EVC: variants seen among roughly 807,000 people sequenced by gnomAD.
EVC encodes the protein evC complex member EVC.
Under a neutral mutation model 118.9 loss-of-function variants are expected in EVC, and 116 were observed. The ratio of observed to expected loss-of-function variants is 0.98; its 90% CI spans 0.84 to 1.14. The LOEUF (loss-of-function observed/expected upper bound fraction) is 1.14, where lower values mean the gene tolerates loss of function less well. EVC is among the 50% of genes most tolerant of loss of function. The probability of loss-of-function intolerance (pLI) is 0.00; values close to 1 mark genes in which losing one functional copy is unlikely to be tolerated. For missense variants in EVC, 1,401 were observed against 1,246.4 expected, an observed-to-expected ratio of 1.12 and a Z score of -1.87; for synonymous variants, 619 against 534.7, an observed-to-expected ratio of 1.16 and a Z score of -2.18.
intron 5 of EVC, among the ~76,000 whole-genome samples, chr4:5,741,120 C>G (rs573821134): frequency 6.6e-6 from 1 of 152,220 alleles, no homozygotes; most frequent in African/African-American, 2.4e-5. Context: ...TGAGGACTTA[C>G]GTTCACACAA....
At chr4:5,758,461 C>T (rs756310037) in intron 11 of EVC, 4 of 232,812 alleles carry the variant, frequency 1.7e-5, no homozygotes, top group Admixed American at 5.5e-5. Context: ...ATTTTCCTTC[C>T]TTCCCAGATG....
chr4:5,757,678 C>T (rs1008431867), intron 11 of EVC, among the ~76,000 whole-genome samples: 4 of 152,178 alleles, frequency 2.6e-5, no homozygotes, highest in Admixed American at 6.5e-5. Context: ...AGAGAGGGCT[C>T]TGGTCTCTCC....
In EVC at chr4:5,745,319, A is replaced by G. The variant is rs1478294705; in HGVS notation, c.917A>G (p.Tyr306Cys). The G allele has an allele frequency of 4.3e-6, 7 of 1,613,938 alleles. No homozygotes were observed. Among genetic ancestry groups the G allele is most frequent in the Non-Finnish European group, 5.1e-6 (6 of 1,179,984 alleles). ...LADVEKKERE[Y>C]SEQLIDNMEA... ...GATGTGGAAAAGAAGGAGAGAGAAT[A>G]CTCTGAACAGCTAATCGATAATGTG... The change falls in exon 7 of 21, where the codon TAC (tyrosine) becomes TGC (cysteine). Residue 306 changes from tyrosine to cysteine, a missense_variant. By Grantham distance (194) the Tyr-to-Cys change is radical. Transcript: ENST00000264956.
At chr4:5,732,885 C>T (rs1727049707) in intron 4 of EVC, among the ~76,000 whole-genome samples, 1 of 152,116 alleles carries the variant, frequency 6.6e-6, no homozygotes, top group African/African-American at 2.4e-5. Context: ...TGGTGCATGC[C>T]TGTAGTCCGA....
intron 11 of EVC, among the ~76,000 whole-genome samples, chr4:5,761,900 GA>G (rs575178980): frequency 0.016 from 2,356 of 151,540 alleles, 105 homozygotes; most frequent in African/African-American, 0.055. Flanking sequence ...TGGCAGCTTA[GA>G]ATTTTTTTTT....
At chr4:5,736,907 G>A (rs527470374) in intron 5 of EVC, among the ~76,000 whole-genome samples, 8 of 152,254 alleles carry the variant, frequency 5.3e-5, no homozygotes, top group Admixed American at 2.0e-4. Context: ...AGAGAGTCGC[G>A]TGTCTCTCAC....
chr4:5,828,991 A>C, the EVC span, among the ~76,000 whole-genome samples: 1 of 152,014 alleles, frequency 6.6e-6, no homozygotes, highest in Non-Finnish European at 1.5e-5. Context: ...AATAAGTAAA[A>C]TGTTCTTCAT....
the EVC span, chr4:5,828,802 A>C: frequency 2.8e-6 from 3 of 1,085,132 alleles, no homozygotes; most frequent in Non-Finnish European, 3.9e-6. Context: ...AATACCTTTT[A>C]TTGACTGTAA....
the EVC span, chr4:5,824,406 C>A: frequency 5.1e-6 from 5 of 985,304 alleles, no homozygotes; most frequent in Non-Finnish European, 6.0e-6. Flanking sequence ...CATGCCTCCT[C>A]GGCATAATCA....
At chr4:5,773,141 G>A (rs3856955) in intron 11 of EVC, among the ~76,000 whole-genome samples, 10,595 of 152,234 alleles carry the variant, frequency 0.07, 440 homozygotes, top group African/African-American at 0.084. Context: ...CAAAATGAAC[G>A]TATGCATGCT....
intron 12 of EVC, among the ~76,000 whole-genome samples, chr4:5,784,606 ATTTTTTTTTT>A (rs35237111): frequency 1.3e-4 from 14 of 111,180 alleles, no homozygotes; most frequent in African/African-American, 4.6e-4. Context: ...ATACACATTG[ATTTTTTTTTT>A]TTTTTTTTTT....
intron 4 of EVC, among the ~76,000 whole-genome samples, chr4:5,732,195 G>C (rs1002852459): frequency 6.6e-6 from 1 of 152,228 alleles, no homozygotes; most frequent in African/African-American, 2.4e-5. Context: ...TGACGGAGCC[G>C]GATTTGACCC....
intron 11 of EVC, among the ~76,000 whole-genome samples, chr4:5,771,844 T>C (rs1398592782): frequency 6.6e-6 from 1 of 152,142 alleles, no homozygotes; most frequent in Non-Finnish European, 1.5e-5. Context: ...GTGATTCATA[T>C]CTCCCTTTAC....
chr4:5,711,498 C>T lies in EVC; in HGVS notation c.118C>T (p.Leu40Phe). ...PAVLLGAALG[L>F]GLGLWLGCRA... is the part of the protein sequence containing the mutation. ...CGTGCTGCTGGGCGCCGCGCTCGGCCTCGGCCTCGGCCTTTGGCTTGGCTG... is the reference window on the plus strand; with the variant it reads ...CGTGCTGCTGGGCGCCGCGCTCGGCTTCGGCCTCGGCCTTTGGCTTGGCTG... Residue 40 changes from leucine (L) to phenylalanine (F), a missense_variant, in exon 1 of 21, where the codon CTC (leucine) becomes TTC (phenylalanine). Leu to Phe is a conservative substitution (Grantham distance 22). Coordinates refer to ENST00000264956, the MANE Select transcript of EVC (RefSeq NM_153717.3). 8.8e-7 allele frequency: 1 copy of T among 1,142,004 alleles called. No homozygotes were observed. The highest frequency in any genetic ancestry group is 1.6e-5 in the African/African-American group (1 of 61,052). The allele number at this position is 1,142,004 out of a possible 1,614,324, so 70.7% of individuals were successfully genotyped here.
intron 1 of EVC, 44 bp downstream of exon 1, chr4:5,711,598 C>T: frequency 1.7e-6 from 2 of 1,159,996 alleles, no homozygotes; most frequent in East Asian, 3.8e-5. Context: ...GAGCGCGGGG[C>T]GCGTGGCTTC....
intron 11 of EVC, among the ~76,000 whole-genome samples, chr4:5,769,894 ACTT>A (rs1733679418): frequency 6.6e-6 from 1 of 152,134 alleles, no homozygotes; most frequent in Admixed American, 6.5e-5. Flanking sequence ...AACCACCTTC[ACTT>A]CTTCTGATGT....
intron 11 of EVC, chr4:5,758,141 C>T (rs1458258579): frequency 1.4e-6 from 1 of 701,808 alleles, no homozygotes; most frequent in African/African-American, 1.7e-5. Flanking sequence ...GAAGGAGGGA[C>T]TGGAGTGATG....
intron 16 of EVC, among the ~76,000 whole-genome samples, 182 bp downstream of exon 16, chr4:5,802,276 A>G (rs760454020): frequency 6.6e-6 from 1 of 152,212 alleles, no homozygotes; most frequent in Non-Finnish European, 1.5e-5. Context: ...ACTTAAAGAA[A>G]CATATGCATA....
intron 11 of EVC, among the ~76,000 whole-genome samples, chr4:5,782,562 AAAAAAG>A: frequency 7.1e-6 from 1 of 141,842 alleles, no homozygotes; most frequent in African/African-American, 2.8e-5. Flanking sequence ...AAAAAAAAAA[AAAAAAG>A]ATGTGAGCGG....
Sources: gnomAD v4.1 joint callset for allele counts (sites outside exome capture counted in the v4.1 genomes callset) on GRCh38, gnomAD v4.1.1 for gene constraint, MANE v1.5 for transcripts, NCBI Gene and HGNC (gene_info 2026-07-23, HGNC 2026-07-21) for gene names.